Variants in ACSF2 observed in about 807,000 individuals in gnomAD.
The protein encoded by ACSF2 is medium-chain acyl-CoA ligase ACSF2, mitochondrial.
In ACSF2, 52 loss-of-function variants were observed where a neutral mutation model predicts 79.3. The observed-to-expected ratio is 0.66, with a 90% CI of 0.53 to 0.83. The LOEUF is 0.83. ACSF2 is among the 40% of genes least tolerant of loss of function. ACSF2 has a pLI of 0.00. For missense variants in ACSF2, 661 were observed against 803.3 expected (o/e 0.82, Z 2.14); for synonymous variants, 283 against 312.6 (o/e 0.91, Z 1.00).
At chr17:50,446,652 C>T (rs1446329263) in intron 1 of ACSF2, among the ~76,000 whole-genome samples, 3 of 152,210 alleles carry the variant, frequency 2.0e-5, no homozygotes, top group East Asian at 3.8e-4. Context: ...GGAGTTCCCT[C>T]GTGACCTCTT....
chr17:50,460,875 G>A lies in ACSF2; in HGVS notation c.324+3G>A. The A allele has an allele frequency of 6.2e-7, 1 of 1,606,300 alleles. No homozygotes were observed. Among genetic ancestry groups the A allele is most frequent in the Non-Finnish European group, 8.5e-7 (1 of 1,175,592 alleles). Reference sequence around the variant, plus strand: ...CCTTTGCCCAACTCAAGGAGGAGGTGGGTCCTGACCTGGAAACCTCAAAGT... The same window carrying A: ...CCTTTGCCCAACTCAAGGAGGAGGTAGGTCCTGACCTGGAAACCTCAAAGT... On this transcript the variant is annotated splice_donor_region_variant and intron_variant, in intron 2 of 15. Transcript: ENST00000300441.
At chr17:50,453,780 C>T (rs981593907) in intron 1 of ACSF2, among the ~76,000 whole-genome samples, 6 of 150,178 alleles carry the variant, frequency 4.0e-5, no homozygotes, top group South Asian at 2.1e-4. Context: ...TGTGTGTGTG[C>T]TGTTGTTGTT....
chr17:50,443,746 A>G (rs1186484783), intron 1 of ACSF2, among the ~76,000 whole-genome samples: 2 of 152,352 alleles, frequency 1.3e-5, no homozygotes, highest in South Asian at 4.1e-4. Flanking sequence ...ACACTCTGGT[A>G]TATTTCTCCA....
At position 50,463,927 on chromosome 17, in the gene ACSF2, G is replaced by A; in HGVS notation, c.1138+18G>A. ...GTGTGGAGGTGGGGTGGGGCCAAGG[G>A]CAGCCAGGCTTGGGGAGGGGGCTGC... On this transcript the variant is annotated intron_variant, in intron 9 of 15. Transcript: ENST00000300441. The surrounding 1 kb of genome is among the most constrained non-coding windows in gnomAD (Gnocchi z 4.6). 1 of 1,612,634 alleles carries A rather than the reference G, an allele frequency of 6.2e-7. No individual in the cohort carries two copies. The highest frequency in any genetic ancestry group is 8.5e-7 in the Non-Finnish European group (1 of 1,178,922).
Position 50,471,248 on chromosome 17 carries a change from C to G in ACSF2, c.1323+113C>G. The G allele has an allele frequency of 1.2e-6, 1 of 812,612 alleles. No individual in the cohort carries two copies. Among genetic ancestry groups the G allele is most frequent in the Non-Finnish European group, 2.1e-6 (1 of 485,140 alleles). The allele number at this position is 812,612 out of a possible 1,614,324, so 50.3% of individuals were successfully genotyped here. The stretch of plus-strand genomic sequence containing the variant: ...AGAGTCAAATGGCTCACTCAGGATG[C>G]CTAGAGCCCCCCAGCAGCAGGGGTG... On this transcript the variant is annotated intron_variant, in intron 11 of 15. Transcript: ENST00000300441. This position sits in a 1 kb window ranked among gnomAD's most constrained non-coding sequence, Gnocchi z 4.1.
intron 1 of ACSF2, among the ~76,000 whole-genome samples, chr17:50,455,528 A>T (rs2031939208): frequency 6.6e-6 from 1 of 152,174 alleles, no homozygotes. Context: ...GAAGGTACAG[A>T]TACCTCCCAG....
At chr17:50,461,545 G>A in intron 3 of ACSF2, 88 bp from the exon 4 acceptor site, 1 of 1,601,740 alleles carries the variant, frequency 6.2e-7, no homozygotes, top group East Asian at 2.2e-5. Flanking sequence ...GCTGTAGAGT[G>A]CTGCCTCTAT....
chr17:50,426,379 C>G lies in ACSF2; in HGVS notation c.118C>G (p.Arg40Gly), dbSNP rs760599020. The part of the protein sequence containing the change: ...SWQEARLQGV[R>G]FLSSREVDRM... ...GCAGGAAGCCAGGTTGCAGGGTGTCCGCTTCCTCAGGTACTGGCCCCCCGC... is the reference window on the plus strand; with the variant it reads ...GCAGGAAGCCAGGTTGCAGGGTGTCGGCTTCCTCAGGTACTGGCCCCCCGC... Residue 40 changes from arginine (R) to glycine (G), a missense_variant, in exon 1 of 16, where the codon CGC becomes GGC. Coordinates refer to ENST00000300441, the MANE Select transcript of ACSF2 (RefSeq NM_025149.6). 5.2e-5 allele frequency: 72 copies of G among 1,374,630 alleles called. No homozygotes were observed. Among genetic ancestry groups the G allele is most frequent in the Non-Finnish European group, 6.6e-5 (70 of 1,056,822 alleles). 85.2% of individuals were successfully genotyped at this position (1,374,630 alleles called of 1,614,324 possible).
At chr17:50,442,971 G>T (rs377529813) in intron 1 of ACSF2, among the ~76,000 whole-genome samples, 19 of 150,918 alleles carry the variant, frequency 1.3e-4, no homozygotes, top group Non-Finnish European at 2.4e-4. Context: ...GTGCAGTGGC[G>T]CAATCTCGGC....
chr17:50,465,451 G>A, intron 10 of ACSF2: 1 of 1,613,534 alleles, frequency 6.2e-7, no homozygotes, highest in Non-Finnish European at 8.5e-7. Flanking sequence ...TGGAGAGACA[G>A]AAACTTGCTG....
intron 1 of ACSF2, among the ~76,000 whole-genome samples, chr17:50,444,931 G>A (rs1443588109): frequency 6.6e-6 from 1 of 151,488 alleles, no homozygotes; most frequent in Non-Finnish European, 1.5e-5. Context: ...GCTTTTTTTT[G>A]AGAGATTGGG....
In ACSF2 at chr17:50,459,198, C is replaced by T. The variant is rs944960589; in HGVS notation, c.129-1479C>T. ...GGCAAGGCAGTCTCTTCATCCCCTT[C>T]GAGCCAAAGAGTAAACAGATAACTT... On this transcript the variant is annotated intron_variant, in intron 1 of 15. Transcript: ENST00000300441. 4.6e-5 allele frequency among the ~76,000 whole-genome samples: 7 copies of T among 152,326 alleles called. No homozygotes were observed. The East Asian group carries it at 9.6e-4, about 21-fold the overall frequency.
At chr17:50,440,360 C>T (rs1311572924) in intron 1 of ACSF2, among the ~76,000 whole-genome samples, 4 of 152,196 alleles carry the variant, frequency 2.6e-5, no homozygotes, top group East Asian at 1.9e-4. Flanking sequence ...TTGCCCAGGG[C>T]CTGAGGCATT....
chr17:50,469,442 C>T (rs1012627230), intron 10 of ACSF2, among the ~76,000 whole-genome samples: 2 of 152,292 alleles, frequency 1.3e-5, no homozygotes, highest in Middle Eastern at 6.8e-3. Flanking sequence ...AGACTCGACG[C>T]GCCGAAGCTG....
Position 50,472,478 on chromosome 17 carries a change from C to T in ACSF2, c.1374C>T (p.Pro458=), listed in dbSNP as rs368605911. The change falls in exon 12 of 16, where the codon CCC becomes CCT. Residue 458 remains proline, a synonymous_variant. Transcript: ENST00000300441. ...GGACGCTGGCAAAGCTGAACACGCC[C>T]GGGGAGCTGTGCATCCGAGGGTACT... ...EAGTLAKLNT[P]GELCIRGYCV... is the part of the protein sequence containing the mutation. The T allele has an allele frequency of 3.5e-5, 56 of 1,613,010 alleles. No individual in the cohort carries two copies. Among genetic ancestry groups the T allele is most frequent in the African/African-American group, 2.7e-4 (20 of 74,972 alleles).
Position 50,462,256 on chromosome 17 carries a change from T to A in ACSF2, c.580T>A (p.Cys194Ser), listed in dbSNP as rs1187005220. The change falls in exon 5 of 16, where the codon TGT becomes AGT. Residue 194 changes from cysteine to serine, a missense_variant. Cys to Ser is a moderately radical substitution (Grantham distance 112). Coordinates refer to ENST00000300441, the MANE Select transcript of ACSF2 (RefSeq NM_025149.6). Reference sequence around the variant, plus strand: ...ATACTACAACGTCCTGAAGCAGATCTGTCCAGAAGTGGAGAATGCCCAGCC... The same window carrying A: ...ATACTACAACGTCCTGAAGCAGATCAGTCCAGAAGTGGAGAATGCCCAGCC... ...QQYYNVLKQI[C>S]PEVENAQPGA... is the part of the protein sequence containing the mutation. 1.2e-6 allele frequency: 2 copies of A among 1,613,960 alleles called. No homozygotes were observed. Among genetic ancestry groups the A allele is most frequent in the Non-Finnish European group, 1.7e-6 (2 of 1,180,006 alleles).
intron 1 of ACSF2, among the ~76,000 whole-genome samples, chr17:50,449,542 C>T (rs1360625489): frequency 6.8e-6 from 1 of 146,974 alleles, no homozygotes; most frequent in African/African-American, 2.5e-5. Flanking sequence ...GTAACTGGGA[C>T]TACAGGCGCC....
chr17:50,432,478 G>A (rs778307809), intron 1 of ACSF2, among the ~76,000 whole-genome samples: 2 of 152,214 alleles, frequency 1.3e-5, no homozygotes, highest in Non-Finnish European at 2.9e-5. Context: ...CAAAGGTGGG[G>A]CTGCTGGAGA....
chr17:50,460,088 C>T, intron 1 of ACSF2: 1 of 415,880 alleles, frequency 2.4e-6, no homozygotes, highest in Non-Finnish European at 4.8e-6. Context: ...TCTTTAGCAC[C>T]TGGCACTGAA....
Sources: gnomAD v4.1 joint callset for allele counts (sites outside exome capture counted in the v4.1 genomes callset) on GRCh38, gnomAD v4.1.1 for gene constraint, Gnocchi (gnomAD v3.1) non-coding constraint, MANE v1.5 for transcripts, NCBI Gene and HGNC (gene_info 2026-07-23, HGNC 2026-07-21) for gene names.